Variants in SEMA6D observed in about 807,000 individuals in gnomAD.
SEMA6D encodes semaphorin-6D.
Under a neutral mutation model 106.6 loss-of-function variants are expected in SEMA6D, and 35 were observed. That is an observed-to-expected ratio of 0.33 (90% CI 0.25 to 0.44). The LOEUF is 0.44. Among genes scored for constraint, SEMA6D ranks in the 20% least tolerant of loss-of-function variants. The pLI, the probability that SEMA6D is intolerant of heterozygous loss-of-function variation, is 1.00. For synonymous variants in SEMA6D, 499 were observed against 487.7 expected (o/e 1.02, Z -0.31); for missense variants, 1,185 against 1,345.9 (o/e 0.88, Z 1.87).
chr15:47,666,768 T>C (rs956006517), intron 4 of SEMA6D, among the ~76,000 whole-genome samples: 2 of 152,214 alleles, frequency 1.3e-5, no homozygotes, highest in East Asian at 1.9e-4. Flanking sequence ...GTTCCTCACA[T>C]GAACAGCAAA....
At chr15:47,516,870 GT>G (rs2044405559) in intron 3 of SEMA6D, among the ~76,000 whole-genome samples, 1 of 152,152 alleles carries the variant, frequency 6.6e-6, no homozygotes, top group East Asian at 1.9e-4. Context: ...AAAAGTAGCT[GT>G]TTTGAATAAT....
At chr15:47,417,567 C>CTAA (rs35686105) in intron 2 of SEMA6D, among the ~76,000 whole-genome samples, 102,946 of 151,374 alleles carry the variant, frequency 0.68, 35,073 homozygotes, top group South Asian at 0.71. Flanking sequence ...ACAATTACTG[C>CTAA]GATTAAAAAT....
chr15:47,209,958 T>A (rs1895368531), intron 1 of SEMA6D, among the ~76,000 whole-genome samples: 1 of 152,208 alleles, frequency 6.6e-6, no homozygotes, highest in South Asian at 2.1e-4. Flanking sequence ...GTTTTTGTCC[T>A]AAATAAAAGA....
chr15:47,734,441 T>A (rs1466566563), intron 1 of SEMA6D, among the ~76,000 whole-genome samples: 1 of 152,180 alleles, frequency 6.6e-6, no homozygotes, highest in African/African-American at 2.4e-5. Flanking sequence ...CCTTAATTTT[T>A]TTCGAACAAG....
Position 47,711,085 on chromosome 15 carries a change from G to A in SEMA6D, c.-54-48660G>A, listed in dbSNP as rs373485678. Among the ~76,000 whole-genome samples the A allele has an allele frequency of 7.9e-3, 1,205 of 152,002 alleles. 17 individuals carry two copies. The highest frequency in any genetic ancestry group is 0.028 in the African/African-American group (1,165 of 41,430). ...AGCACTTTGGGAGGCCGAGGCGGGC[G>A]GATCACGAGGTCAGGAGATCGAGAC... On this transcript the variant is annotated intron_variant, in intron 4 of 19. Transcript: ENST00000558014.
Position 47,522,224 on chromosome 15 carries a change from A to G in SEMA6D, c.-87+51679A>G, listed in dbSNP as rs559201423. ...TCAGAATGTCCTATGCTTTTCAATA[A>G]CAATGCAAAGCATTTGTAATCACAT... On this transcript the variant is annotated intron_variant, in intron 3 of 19. Coordinates refer to the SEMA6D transcript ENST00000558014. Among the ~76,000 whole-genome samples the G allele has an allele frequency of 2.6e-5, 4 of 152,310 alleles. No homozygotes were observed. In the East Asian group the frequency reaches 7.7e-4, roughly 29 times the overall value.
At chr15:47,222,001 G>A (rs531720265) in intron 1 of SEMA6D, among the ~76,000 whole-genome samples, 55 of 150,778 alleles carry the variant, frequency 3.6e-4, no homozygotes, top group Non-Finnish European at 4.9e-4. Context: ...ACAAGCAAGC[G>A]CACACACACA....
rs71432251 is a variant in SEMA6D at position 47,772,357 on chromosome 15, C to CGTGTGT, written c.*601_*606dup. On this transcript the variant is annotated 3_prime_UTR_variant, in exon 19 of 19. Coordinates refer to ENST00000536845, the MANE Select transcript of SEMA6D (RefSeq NM_001358351.3). ...CACCAACAAACTTGTTGTGTGTGTG[C>CGTGTGT]GTGTGTGTGTGTGTGTGTGTGTGTG... 0.083 allele frequency: 11,767 copies of CGTGTGT among 141,526 alleles called. 614 individuals are homozygous for CGTGTGT. The highest frequency in any genetic ancestry group is 0.2 in the East Asian group (954 of 4,820). 8.8% of individuals were successfully genotyped at this position (141,526 alleles called of 1,614,324 possible).
intron 1 of SEMA6D, among the ~76,000 whole-genome samples, chr15:47,327,436 A>G (rs1010319692): frequency 6.6e-6 from 1 of 152,168 alleles, no homozygotes; most frequent in Non-Finnish European, 1.5e-5. Flanking sequence ...GTCACATTTC[A>G]ATGTGAGCAG....
In SEMA6D at chr15:47,406,795, A is replaced by T. The variant is rs534535194; in HGVS notation, c.-238-5598A>T. On this transcript the variant is annotated intron_variant, in intron 1 of 19. Transcript: ENST00000558014. ...CTCACCACCAAAAAAAAAAAAAAAA[A>T]TGAAGTGACTTGTGAGGTGATAGAT... Among the ~76,000 whole-genome samples, 5 of 151,734 alleles carry T rather than the reference A, an allele frequency of 3.3e-5. No individual in the cohort carries two copies. The South Asian group carries it at 1.0e-3, about 32-fold the overall frequency.
intron 3 of SEMA6D, among the ~76,000 whole-genome samples, chr15:47,494,800 T>TACACAC (rs71432245): frequency 0.032 from 3,092 of 96,458 alleles, 171 homozygotes; most frequent in African/African-American, 0.1. Flanking sequence ...AATCTCCAGA[T>TACACAC]ACACACACAC....
intron 1 of SEMA6D, among the ~76,000 whole-genome samples, chr15:47,384,270 G>A (rs2039741121): frequency 6.6e-6 from 1 of 152,190 alleles, no homozygotes; most frequent in Non-Finnish European, 1.5e-5. Context: ...GAAAAAAAGG[G>A]CAAATTCAAA....
chr15:47,302,017 A>G (rs1328617830), intron 1 of SEMA6D, among the ~76,000 whole-genome samples: 1 of 152,236 alleles, frequency 6.6e-6, no homozygotes, highest in Non-Finnish European at 1.5e-5. Context: ...AACAGCAACA[A>G]CAGTAACAAC....
chr15:47,518,163 G>A (rs1253565776), intron 3 of SEMA6D, among the ~76,000 whole-genome samples: 1 of 152,210 alleles, frequency 6.6e-6, no homozygotes, highest in Non-Finnish European at 1.5e-5. Flanking sequence ...CATTTGTGGG[G>A]CTGTGATTTA....
At chr15:47,736,271 T>C (rs1323157709) in intron 1 of SEMA6D, among the ~76,000 whole-genome samples, 1 of 152,188 alleles carries the variant, frequency 6.6e-6, no homozygotes, top group Non-Finnish European at 1.5e-5. Flanking sequence ...TGTATTAGCA[T>C]TGAGTGGGCT....
chr15:47,642,424 T>TG (rs1413957608), intron 4 of SEMA6D, among the ~76,000 whole-genome samples: 1 of 152,008 alleles, frequency 6.6e-6, no homozygotes, highest in Non-Finnish European at 1.5e-5. Context: ...TTCTGTACCA[T>TG]GTGACAGAAA....
At chr15:47,361,467 G>T (rs2038803641) in intron 1 of SEMA6D, among the ~76,000 whole-genome samples, 1 of 152,102 alleles carries the variant, frequency 6.6e-6, no homozygotes, top group Admixed American at 6.5e-5. Flanking sequence ...ATACTTCATG[G>T]GCTTCTATTC....
intron 1 of SEMA6D, among the ~76,000 whole-genome samples, chr15:47,334,431 C>A (rs1427316644): frequency 6.6e-6 from 1 of 152,168 alleles, no homozygotes; most frequent in Admixed American, 6.5e-5. Flanking sequence ...GGAGAACAGT[C>A]TTAAGGACTG....
chr15:47,360,673 A>AAT (rs1018214157), intron 1 of SEMA6D, among the ~76,000 whole-genome samples: 22 of 152,348 alleles, frequency 1.4e-4, no homozygotes, highest in African/African-American at 5.3e-4. Context: ...CACAAAGGAA[A>AAT]ATTTAGGAGG....
Sources: gnomAD v4.1 joint callset for allele counts (sites outside exome capture counted in the v4.1 genomes callset) on GRCh38, gnomAD v4.1.1 for gene constraint, MANE v1.5 for transcripts, NCBI Gene and HGNC (gene_info 2026-07-23, HGNC 2026-07-21) for gene names.